The following DOCK5 variants were observed in gnomAD, a reference collection of about 807,000 sequenced individuals.
DOCK5 encodes the protein dedicator of cytokinesis 5.
In DOCK5, 142 loss-of-function variants were observed where a neutral mutation model predicts 251.8. That is an observed-to-expected ratio of 0.56 (90% CI 0.49 to 0.65). DOCK5 has a LOEUF of 0.65. Ranked by LOEUF, DOCK5 falls within the 30% of genes least tolerant of loss-of-function variation. DOCK5 has a pLI of 0.00. For synonymous variants in DOCK5, 842 were observed against 835.5 expected (o/e 1.01, Z -0.13); for missense variants, 2,111 against 2,312.3 (o/e 0.91, Z 1.79).
rs554480065 is a variant in DOCK5 at position 25,240,864 on chromosome 8, A to G, written c.44-2810A>G. ...ATGGGAGTTAGGAAGTCAAGGTGCA[A>G]ACAGGGCTGTGCTCCCTCCGGAGGC... On this transcript the variant is annotated intron_variant, in intron 1 of 51. Transcript: ENST00000276440. 1.2e-3 allele frequency among the ~76,000 whole-genome samples: 187 copies of G among 152,194 alleles called. 1 individual carries two copies. Among genetic ancestry groups the G allele is most frequent in the African/African-American group, 4.2e-3 (175 of 41,526 alleles).
rs370700473 is a variant in DOCK5, at chr8:25,270,691, C to T, written c.168+1806C>T. The T allele has an allele frequency of 5.4e-5, 26 of 480,052 alleles. 1 individual carries two copies. The East Asian group carries it at 6.3e-4, about 12-fold the overall frequency. The allele number at this position is 480,052 out of a possible 1,614,324, so 29.7% of individuals were successfully genotyped here. ...AGGTCCTAGATCAGGTCTTCTTTTT[C>T]ATAGACTACAGTATGTAAGGATCCT... On this transcript the variant is annotated intron_variant, in intron 3 of 51. Coordinates refer to ENST00000276440, the MANE Select transcript of DOCK5 (RefSeq NM_024940.8).
intron 37 of DOCK5, chr8:25,375,633 C>T: frequency 2.1e-6 from 2 of 956,440 alleles, no homozygotes; most frequent in Non-Finnish European, 2.5e-6. Flanking sequence ...TTTGGTGTCT[C>T]TGCCTCCAGT....
intron 25 of DOCK5, among the ~76,000 whole-genome samples, 193 bp downstream of exon 25, chr8:25,342,700 T>TTG (rs1214289528): frequency 0.018 from 2,060 of 114,486 alleles, 94 homozygotes; most frequent in African/African-American, 0.069. Flanking sequence ...TGTTTTTTTT[T>TTG]TTTTTTTTTT....
At chr8:25,253,558 G>A (rs1248073508) in intron 2 of DOCK5, among the ~76,000 whole-genome samples, 2 of 152,108 alleles carry the variant, frequency 1.3e-5, no homozygotes, top group Admixed American at 6.5e-5. Flanking sequence ...GGTTGGGCTG[G>A]CTAAGCCTCA....
At chr8:25,307,209 C>T (rs1381529476) in intron 11 of DOCK5, among the ~76,000 whole-genome samples, 5 of 151,952 alleles carry the variant, frequency 3.3e-5, no homozygotes, top group African/African-American at 1.2e-4. Context: ...AACCTCACCT[C>T]CTGGGTTCAA....
rs533955435 is a variant in DOCK5 at position 25,266,135 on chromosome 8, G to A, written c.128-2710G>A. Among the ~76,000 whole-genome samples, 194 of 151,770 alleles carry A rather than the reference G, an allele frequency of 1.3e-3. 4 individuals carry two copies. The highest frequency in any genetic ancestry group is 2.6e-3 in the African/African-American group (105 of 41,166). On this transcript the variant is annotated intron_variant, in intron 2 of 51. Coordinates refer to ENST00000276440, the MANE Select transcript of DOCK5 (RefSeq NM_024940.8). ...TATTTTAATGGTGTAATAACTTAAAGCATCTGAGATCCTGCGGACCACTTC... is the reference window on the plus strand; with the variant it reads ...TATTTTAATGGTGTAATAACTTAAAACATCTGAGATCCTGCGGACCACTTC...
intron 29 of DOCK5, among the ~76,000 whole-genome samples, chr8:25,363,650 G>C (rs1173651851): frequency 6.6e-6 from 1 of 152,232 alleles, no homozygotes; most frequent in Non-Finnish European, 1.5e-5. Context: ...TAGTTCAAAA[G>C]TTTGGTGAAA....
intron 27 of DOCK5, among the ~76,000 whole-genome samples, chr8:25,354,515 G>A (rs1177032022): frequency 5.3e-5 from 8 of 152,152 alleles, no homozygotes; most frequent in Non-Finnish European, 1.2e-4. Flanking sequence ...TGGATGTAAA[G>A]GCAGCAGTAC....
intron 27 of DOCK5, among the ~76,000 whole-genome samples, chr8:25,352,514 A>G (rs144137143): frequency 1.3e-5 from 2 of 152,208 alleles, no homozygotes; most frequent in Non-Finnish European, 2.9e-5. Context: ...TGAAAGGCTA[A>G]GTGGTGTCAT....
At chr8:25,323,238 G>C (rs568627378) in intron 16 of DOCK5, among the ~76,000 whole-genome samples, 9 of 152,316 alleles carry the variant, frequency 5.9e-5, no homozygotes, top group African/African-American at 2.2e-4. Context: ...ACTGGAGCTG[G>C]TATTCTGGGG....
intron 1 of DOCK5, among the ~76,000 whole-genome samples, chr8:25,220,878 A>G (rs988967368): frequency 2.6e-5 from 4 of 152,092 alleles, no homozygotes; most frequent in Non-Finnish European, 5.9e-5. Flanking sequence ...TGCTGGGATT[A>G]CAGGCACGAG....
chr8:25,321,555 C>G (rs573218664), intron 16 of DOCK5, among the ~76,000 whole-genome samples: 2 of 152,272 alleles, frequency 1.3e-5, no homozygotes, highest in South Asian at 2.1e-4. Context: ...AATGTGCAAC[C>G]TAGATCCCTT....
At chr8:25,204,207 C>G (rs1385569130) in intron 1 of DOCK5, among the ~76,000 whole-genome samples, 1 of 152,136 alleles carries the variant, frequency 6.6e-6, no homozygotes, top group African/African-American at 2.4e-5. Context: ...TTATCGACTT[C>G]ATAGTCGATA....
chr8:25,189,381 G>C (rs969580770), intron 1 of DOCK5, among the ~76,000 whole-genome samples: 1 of 151,736 alleles, frequency 6.6e-6, no homozygotes, highest in South Asian at 2.1e-4. Flanking sequence ...TTTCTTCTGA[G>C]ACAGGGTCTC....
intron 39 of DOCK5, among the ~76,000 whole-genome samples, chr8:25,381,237 T>C (rs908236870): frequency 6.6e-6 from 1 of 152,212 alleles, no homozygotes; most frequent in Non-Finnish European, 1.5e-5. Context: ...TAATCATTTA[T>C]TTGAGGAGCT....
intron 40 of DOCK5, among the ~76,000 whole-genome samples, chr8:25,384,427 A>ATT (rs1801123020): frequency 9.3e-5 from 12 of 129,508 alleles, no homozygotes; most frequent in East Asian, 2.2e-4. Flanking sequence ...TCTTAATATT[A>ATT]TTATTTTATT....
At chr8:25,336,891 C>T (rs17053416) in intron 22 of DOCK5, among the ~76,000 whole-genome samples, 2,374 of 152,246 alleles carry the variant, frequency 0.016, 71 homozygotes, top group African/African-American at 0.052. Context: ...GGAACATTCA[C>T]AACCCCAGTG....
At chr8:25,309,499 C>G (rs1386806236) in intron 12 of DOCK5, among the ~76,000 whole-genome samples, 1 of 152,104 alleles carries the variant, frequency 6.6e-6, no homozygotes, top group Non-Finnish European at 1.5e-5. Context: ...TTTTTGCCTA[C>G]CCTTCATTCC....
chr8:25,334,055 G>A lies in DOCK5; in HGVS notation c.2092-41G>A, dbSNP rs200921118. ...TGCGGCTTGTTGACAGAATACTTGG[G>A]ATTGTGCAGTGCTGCTATTTCTATT... On this transcript the variant is annotated intron_variant, in intron 20 of 51. Coordinates refer to ENST00000276440, the MANE Select transcript of DOCK5 (RefSeq NM_024940.8). The A allele has an allele frequency of 1.1e-3, 1,569 of 1,472,186 alleles. 2 individuals are homozygous for A. The highest frequency in any genetic ancestry group is 1.4e-3 in the Non-Finnish European group (1,485 of 1,051,356). The allele number at this position is 1,472,186 out of a possible 1,614,324, so 91.2% of individuals were successfully genotyped here.
Sources: gnomAD v4.1 joint callset for allele counts (sites outside exome capture counted in the v4.1 genomes callset) on GRCh38, gnomAD v4.1.1 for gene constraint, MANE v1.5 for transcripts, NCBI Gene and HGNC (gene_info 2026-07-23, HGNC 2026-07-21) for gene names.